The following GRIK3 variants were observed in gnomAD, a reference collection of about 807,000 sequenced individuals.
GRIK3 encodes glutamate receptor ionotropic, kainate 3.
GRIK3 carries 29 observed loss-of-function variants against 102.5 expected under a neutral mutation model. The observed-to-expected ratio is 0.28, with a 90% CI of 0.21 to 0.39. The LOEUF is 0.39. Ranked by LOEUF, GRIK3 falls within the 10% of genes least tolerant of loss-of-function variation. The probability of loss-of-function intolerance (pLI) is 1.00; values close to 1 mark genes in which losing one functional copy is unlikely to be tolerated. For missense variants in GRIK3, 908 were observed against 1,252.4 expected, an observed-to-expected ratio of 0.73 and a Z score of 4.15; for synonymous variants, 511 against 504.9, an observed-to-expected ratio of 1.01 and a Z score of -0.16.
Position 36,859,090 on chromosome 1 carries a change from G to C in GRIK3, c.1104+18C>G. On this transcript the variant is annotated intron_variant, in intron 7 of 15. Transcript: ENST00000373091. ...AGTCCCGGGGAGACAACACTGGTGG[G>C]GGCTGTGGGGCACTCACCTCCTTGA... The C allele has an allele frequency of 1.3e-6, 2 of 1,594,092 alleles. No individual in the cohort carries two copies. The highest frequency in any genetic ancestry group is 8.6e-7 in the Non-Finnish European group (1 of 1,166,092).
At chr1:36,986,416 GTCCATCCATCCATCCATCCATCCA>G (rs34375905) in intron 1 of GRIK3, among the ~76,000 whole-genome samples, 1 of 130,678 alleles carries the variant, frequency 7.7e-6, no homozygotes, top group Non-Finnish European at 1.6e-5. Context: ...CCATCTCTCT[GTCCATCCATCCATCCATCCATCCA>G]TCCATCCATC....
intron 1 of GRIK3, among the ~76,000 whole-genome samples, chr1:36,990,860 A>T (rs1642356605): frequency 6.6e-6 from 1 of 152,034 alleles, no homozygotes; most frequent in Admixed American, 6.5e-5. Context: ...TGAGAAGGCA[A>T]GTGGCTTTGC....
intron 1 of GRIK3, among the ~76,000 whole-genome samples, chr1:37,017,258 G>T (rs1642661756): frequency 6.6e-6 from 1 of 150,524 alleles, no homozygotes; most frequent in Non-Finnish European, 1.5e-5. Context: ...GCTAGGCTGG[G>T]TGTGGTGGCT....
At chr1:37,009,954 G>A (rs1471818220) in intron 1 of GRIK3, among the ~76,000 whole-genome samples, 1 of 152,146 alleles carries the variant, frequency 6.6e-6, no homozygotes, top group Non-Finnish European at 1.5e-5. Flanking sequence ...GGCAAGTACT[G>A]GGCCAGCTGA....
chr1:36,978,375 C>A (rs1642216607), intron 1 of GRIK3, among the ~76,000 whole-genome samples: 1 of 152,236 alleles, frequency 6.6e-6, no homozygotes, highest in Admixed American at 6.5e-5. Flanking sequence ...CTTCCAGGAG[C>A]AGACCTCCAC....
chr1:36,860,172 C>T (rs1439751836), intron 5 of GRIK3, among the ~76,000 whole-genome samples, 155 bp from the exon 6 acceptor site: 2 of 152,216 alleles, frequency 1.3e-5, no homozygotes, highest in African/African-American at 4.8e-5. Flanking sequence ...TCGGGGTAGT[C>T]ACAGGAGCAC....
chr1:36,869,354 GA>G (rs777818908), intron 5 of GRIK3, among the ~76,000 whole-genome samples: 2 of 152,186 alleles, frequency 1.3e-5, no homozygotes, highest in Admixed American at 1.3e-4. Flanking sequence ...TCATAATAGT[GA>G]ATACTTCCAG....
At chr1:36,835,774 T>C (rs1640369911) in intron 10 of GRIK3, among the ~76,000 whole-genome samples, 1 of 152,170 alleles carries the variant, frequency 6.6e-6, no homozygotes, top group South Asian at 2.1e-4. Flanking sequence ...GCCCTCTTGC[T>C]CTCTTACACC....
chr1:36,857,014 G>T (rs995249099), intron 7 of GRIK3, among the ~76,000 whole-genome samples: 3 of 152,206 alleles, frequency 2.0e-5, no homozygotes, highest in Admixed American at 2.0e-4. Context: ...TGCGACACAC[G>T]TGCCAAAACT....
chr1:36,884,712 C>T (rs1356854805), intron 2 of GRIK3, among the ~76,000 whole-genome samples: 2 of 152,216 alleles, frequency 1.3e-5, no homozygotes, highest in Non-Finnish European at 2.9e-5. Flanking sequence ...TATTATCTGT[C>T]TATTCTTTTT....
chr1:36,827,371 C>G (rs1642766474), intron 10 of GRIK3, among the ~76,000 whole-genome samples: 1 of 152,152 alleles, frequency 6.6e-6, no homozygotes, highest in African/African-American at 2.4e-5. Context: ...TTCCCTTCCT[C>G]AAGTAGGAGA....
chr1:37,008,636 G>A (rs181855489), intron 1 of GRIK3, among the ~76,000 whole-genome samples: 30 of 152,290 alleles, frequency 2.0e-4, no homozygotes, highest in African/African-American at 7.0e-4. Flanking sequence ...TCACAGGGAG[G>A]GCCTGGGCAG....
intron 3 of GRIK3, among the ~76,000 whole-genome samples, chr1:36,877,409 T>C (rs111992434): frequency 0.01 from 1,584 of 152,312 alleles, 21 homozygotes; most frequent in African/African-American, 0.037. Flanking sequence ...CAGTCGGCTG[T>C]GCTCTAGTCT....
chr1:36,861,219 CT>C (rs1410759583), intron 5 of GRIK3, among the ~76,000 whole-genome samples: 1 of 152,190 alleles, frequency 6.6e-6, no homozygotes, highest in African/African-American at 2.4e-5. Flanking sequence ...ACGCATGTTC[CT>C]TCTATATTTG....
chr1:36,863,395 A>T (rs1321927116), intron 5 of GRIK3, among the ~76,000 whole-genome samples: 16 of 152,160 alleles, frequency 1.1e-4, no homozygotes, highest in Admixed American at 9.8e-4. Context: ...GACTCCTTGT[A>T]GTCTTTTCAG....
chr1:36,907,726 G>T (rs956642790), intron 1 of GRIK3, among the ~76,000 whole-genome samples: 2 of 152,114 alleles, frequency 1.3e-5, no homozygotes, highest in Non-Finnish European at 2.9e-5. Flanking sequence ...AGGGTGGGAG[G>T]TGTTCTAATG....
In GRIK3 at chr1:36,893,665, C is replaced by T. The variant is rs151250991; in HGVS notation, c.116-2569G>A. Among the ~76,000 whole-genome samples the T allele has an allele frequency of 9.6e-3, 1,456 of 152,260 alleles. 21 individuals carry two copies. The highest frequency in any genetic ancestry group is 0.032 in the African/African-American group (1,319 of 41,542). The stretch of plus-strand genomic sequence containing the variant: ...TTACCAAAAGCCCTAAAAATGTCCA[C>T]GCCTGTGACTCGGGAATTTGATATC... On this transcript the variant is annotated intron_variant, in intron 1 of 15. Transcript: ENST00000373091.
intron 1 of GRIK3, among the ~76,000 whole-genome samples, chr1:36,891,396 C>T (rs974194702): frequency 1.3e-5 from 2 of 152,114 alleles, no homozygotes; most frequent in Non-Finnish European, 2.9e-5. Context: ...CAGAATCTAC[C>T]AGGATAACAT....
Position 36,880,806 on chromosome 1 carries a change from A to G in GRIK3, c.378T>C (p.Asn126=), listed in dbSNP as rs1382848482. The G allele has an allele frequency of 6.2e-7, 1 of 1,614,142 alleles. No individual in the cohort carries two copies. The highest frequency in any genetic ancestry group is 1.7e-5 in the Admixed American group (1 of 60,026). Residue 126 remains asparagine (N), a synonymous_variant, in exon 3 of 16, where the codon AAT becomes AAC. Coordinates refer to ENST00000373091, the MANE Select transcript of GRIK3 (RefSeq NM_000831.4). The surrounding 1 kb of genome is among the most constrained non-coding windows in gnomAD (Gnocchi z 5.4). ...SCTNAVQSIC[N]ALEVPHIQLR... Reference sequence around the variant, plus strand: ...GCTGGATGTGGGGCACCTCCAGGGCATTGCAGATGGACTGGACGGCATTGG... The same window carrying G: ...GCTGGATGTGGGGCACCTCCAGGGCGTTGCAGATGGACTGGACGGCATTGG...
Sources: allele counts gnomAD v4.1 joint callset (sites outside exome capture counted in the v4.1 genomes callset), GRCh38; gene constraint gnomAD v4.1.1; non-coding constraint Gnocchi (gnomAD v3.1); transcripts MANE v1.5; gene names NCBI Gene and HGNC (gene_info 2026-07-23, HGNC 2026-07-21).